Variants in SPINK5 observed in about 807,000 individuals in gnomAD.
SPINK5 encodes the protein serine protease inhibitor Kazal-type 5.
In SPINK5, 125 loss-of-function variants were observed where a neutral mutation model predicts 151.8. The ratio of observed to expected loss-of-function variants is 0.82; its 90% confidence interval spans 0.71 to 0.96. The LOEUF (loss-of-function observed/expected upper bound fraction) is 0.96. Ranked by LOEUF, SPINK5 falls within the 40% of genes least tolerant of loss-of-function variation. The pLI is 0.00. For missense variants in SPINK5, 1,194 were observed against 1,291.9 expected (o/e 0.92, Z 1.16); for synonymous variants, 374 against 395.3 (o/e 0.95, Z 0.64).
intron 6 of SPINK5, chr5:148,089,163 T>G (rs1339800781): frequency 2.1e-6 from 1 of 472,480 alleles, no homozygotes; most frequent in Non-Finnish European, 4.2e-6. Flanking sequence ...TGAGGTGACT[T>G]GCACCAAGTC....
At position 148,131,507 on chromosome 5, in the gene SPINK5, T is replaced by C. The variant is rs575973286; in HGVS notation, c.3095+118T>C. ...TGTGTTGCAAGTAATTTATTCATCATAGAAGTTAAAAATTCAAAATTTGTG... is the reference window on the plus strand; with the variant it reads ...TGTGTTGCAAGTAATTTATTCATCACAGAAGTTAAAAATTCAAAATTTGTG... On this transcript the variant is annotated intron_variant, in intron 31 of 32. Transcript: ENST00000256084. 38 of 1,452,808 alleles carry C rather than the reference T, an allele frequency of 2.6e-5. No homozygotes were observed. The South Asian group carries it at 3.2e-4, about 12-fold the overall frequency. The allele number at this position is 1,452,808 out of a possible 1,614,324, so 90.0% of individuals were successfully genotyped here. A position where few individuals can be genotyped will look rare whatever the true frequency, so the allele number is the denominator to read the frequency against.
At position 148,104,902 on chromosome 5, in the gene SPINK5, GA is replaced by G. The variant is rs34473560; in HGVS notation, c.1431-39del. The G allele has an allele frequency of 0.53, 744,970 of 1,394,664 alleles. 176,261 individuals are homozygous for G. Among genetic ancestry groups the G allele is most frequent in the Admixed American group, 0.67 (33,903 of 50,876 alleles). 86.4% of individuals were successfully genotyped at this position (1,394,664 alleles called of 1,614,324 possible). On this transcript the variant is annotated intron_variant, in intron 15 of 32. Coordinates refer to ENST00000256084, the MANE Select transcript of SPINK5 (RefSeq NM_006846.4). ...CAGAGAGAGACTCCGTCTCAAAAAAGAAAAAAAAAAATCCATTTCTTCTCTC... is the reference window on the plus strand; with the variant it reads ...CAGAGAGAGACTCCGTCTCAAAAAAGAAAAAAAAAATCCATTTCTTCTCTC...
intron 32 of SPINK5, among the ~76,000 whole-genome samples, chr5:148,136,264 T>G (rs1156488283): frequency 6.6e-6 from 1 of 152,146 alleles, no homozygotes. Flanking sequence ...TGACTATTCT[T>G]ATCTATATCT....
chr5:148,122,246 A>G (rs1449905869), intron 26 of SPINK5, among the ~76,000 whole-genome samples: 1 of 152,182 alleles, frequency 6.6e-6, no homozygotes, highest in Non-Finnish European at 1.5e-5. Context: ...TATTATAAAA[A>G]TATGTGGTAT....
intron 30 of SPINK5, 76 bp downstream of exon 30, chr5:148,127,155 A>G (rs1754453100): frequency 6.1e-6 from 8 of 1,304,434 alleles, no homozygotes; most frequent in African/African-American, 4.4e-5. Flanking sequence ...GCTATTTGCT[A>G]TTTTCATAGA....
chr5:148,130,181 G>GTATT, intron 30 of SPINK5, among the ~76,000 whole-genome samples: 1 of 151,956 alleles, frequency 6.6e-6, no homozygotes, highest in Middle Eastern at 3.4e-3. Context: ...TCTAATATAT[G>GTATT]TATTAAAGTT....
intron 8 of SPINK5, among the ~76,000 whole-genome samples, chr5:148,093,294 A>G (rs1753362279): frequency 6.6e-6 from 1 of 151,936 alleles, no homozygotes; most frequent in Non-Finnish European, 1.5e-5. Flanking sequence ...AAGTAGCCTG[A>G]AAGTATTGAA....
Position 148,133,846 on chromosome 5 carries a change from A to ATCC in SPINK5, c.3145_3146insTCC (p.Ser1049delinsIleArg), listed in dbSNP as rs1754632221. 6.2e-7 allele frequency: 1 copy of ATCC among 1,613,992 alleles called. No homozygotes were observed. The highest frequency in any genetic ancestry group is 1.3e-5 in the African/African-American group (1 of 74,992). ...CCGCAGTACAGGGAAGTGTGAGGAG[A>ATCC]GCAGCACCCCAGGAACCACCGCAGC... On this transcript the variant is annotated protein_altering_variant, in exon 32 of 33. Transcript: ENST00000256084.
intron 4 of SPINK5, among the ~76,000 whole-genome samples, chr5:148,076,179 G>A (rs186679335): frequency 2.0e-5 from 3 of 151,898 alleles, no homozygotes; most frequent in Admixed American, 6.6e-5. Context: ...GTCTATCTGA[G>A]AGGGTGAAAG....
At chr5:148,102,921 T>G (rs919539672) in intron 15 of SPINK5, among the ~76,000 whole-genome samples, 4 of 152,074 alleles carry the variant, frequency 2.6e-5, no homozygotes, top group African/African-American at 9.7e-5. Context: ...AATAGGTCTT[T>G]AGGATGAATG....
intron 5 of SPINK5, 113 bp downstream of exon 5, chr5:148,086,645 AT>A (rs1430968264): frequency 7.4e-6 from 10 of 1,349,618 alleles, no homozygotes; most frequent in Non-Finnish European, 1.0e-5. Flanking sequence ...GGAGTTAGCC[AT>A]TCCTAAATTA....
Position 148,097,855 on chromosome 5 carries a change from T to C in SPINK5, c.883-12T>C. On this transcript the variant is annotated splice_polypyrimidine_tract_variant and intron_variant, in intron 10 of 32. Coordinates refer to ENST00000256084, the MANE Select transcript of SPINK5 (RefSeq NM_006846.4). Reference sequence around the variant, plus strand: ...AGAACTATATCTCAACTTTTTCTTATTCATTATTCAGAAACTCTGCAGTCA... The same window carrying C: ...AGAACTATATCTCAACTTTTTCTTACTCATTATTCAGAAACTCTGCAGTCA... 4 of 1,600,708 alleles carry C rather than the reference T, an allele frequency of 2.5e-6. No individual in the cohort carries two copies. Among genetic ancestry groups the C allele is most frequent in the Non-Finnish European group, 3.4e-6 (4 of 1,168,838 alleles).
At chr5:148,126,863 G>T in intron 29 of SPINK5, 120 bp from the exon 30 acceptor site, 3 of 811,246 alleles carry the variant, frequency 3.7e-6, no homozygotes, top group Non-Finnish European at 5.8e-6. Context: ...AAATGCTGGG[G>T]TTACAGGCGT....
intron 26 of SPINK5, among the ~76,000 whole-genome samples, chr5:148,122,139 G>A (rs957384113): frequency 6.6e-6 from 1 of 151,836 alleles, no homozygotes; most frequent in African/African-American, 2.4e-5. Flanking sequence ...CAATTTTTTA[G>A]AATTCAGGAA....
chr5:148,100,622 G>A, intron 13 of SPINK5, 41 bp downstream of exon 13: 1 of 1,608,160 alleles, frequency 6.2e-7, no homozygotes, highest in Non-Finnish European at 8.5e-7. Context: ...GAATGATTTT[G>A]TTCTTTCTAT....
At chr5:148,119,146 A>G in intron 24 of SPINK5, 88 bp downstream of exon 24, 1 of 1,296,210 alleles carries the variant, frequency 7.7e-7, no homozygotes, top group East Asian at 2.3e-5. Flanking sequence ...TGTCAACATG[A>G]TCAAGCTAGA....
intron 30 of SPINK5, among the ~76,000 whole-genome samples, chr5:148,127,602 C>T (rs1754465405): frequency 6.6e-6 from 1 of 152,100 alleles, no homozygotes; most frequent in Admixed American, 6.6e-5. Context: ...ACTATAACCC[C>T]AGCACTGTGG....
Position 148,099,288 on chromosome 5 carries a change from A to G in SPINK5, c.1065A>G (p.Arg355=). ...CTGAAGCACGAGCTAGAAACAAAAG[A>G]GAATCTGGAAAAGCAACCTCATATG... ...KKAEARARNK[R]ESGKATSYAE... The change falls in exon 12 of 33, where the codon AGA becomes AGG. Residue 355 remains arginine, a synonymous_variant. Coordinates refer to ENST00000256084, the MANE Select transcript of SPINK5 (RefSeq NM_006846.4). 8.1e-6 allele frequency: 13 copies of G among 1,612,522 alleles called. No individual in the cohort carries two copies. The highest frequency in any genetic ancestry group is 1.1e-5 in the Non-Finnish European group (13 of 1,179,112).
At chr5:148,101,658 A>T in intron 14 of SPINK5, 123 bp from the exon 15 acceptor site, 1 of 1,453,898 alleles carries the variant, frequency 6.9e-7, no homozygotes, top group Non-Finnish European at 9.6e-7. Context: ...CTTCAAAGTT[A>T]ATCATTCTAA....
Sources: gnomAD v4.1 joint callset for allele counts (sites outside exome capture counted in the v4.1 genomes callset) on GRCh38, gnomAD v4.1.1 for gene constraint, MANE v1.5 for transcripts, NCBI Gene and HGNC (gene_info 2026-07-23, HGNC 2026-07-21) for gene names.